ANKRD12: variants seen among roughly 807,000 people sequenced by gnomAD.
The protein encoded by ANKRD12 is ankyrin repeat domain 12, also known as ankyrin repeat domain-containing protein 12.
Under a neutral mutation model 183.4 loss-of-function variants are expected in ANKRD12, and 85 were observed. That is an observed-to-expected ratio of 0.46 (90% confidence interval 0.39 to 0.56). The LOEUF is 0.56. Among genes scored for constraint, ANKRD12 ranks in the 20% least tolerant of loss-of-function variants. The pLI is 0.00. For missense variants in ANKRD12, 2,405 were observed against 2,357.1 expected (o/e 1.02, Z -0.42); for synonymous variants, 914 against 800.2 (o/e 1.14, Z -2.40).
At chr18:9,274,540 T>C (rs963965925) in intron 10 of ANKRD12, among the ~76,000 whole-genome samples, 7 of 152,064 alleles carry the variant, frequency 4.6e-5, no homozygotes, top group African/African-American at 1.7e-4. Flanking sequence ...ACTAGGAGCA[T>C]AGAGGAAGGG....
intron 1 of ANKRD12, among the ~76,000 whole-genome samples, chr18:9,148,415 G>T (rs2078566246): frequency 6.6e-6 from 1 of 152,020 alleles, no homozygotes. Context: ...AACTCTAAAT[G>T]TATTGTTAGA....
At chr18:9,197,648 T>TAAA (rs762397442) in intron 3 of ANKRD12, among the ~76,000 whole-genome samples, 1 of 152,246 alleles carries the variant, frequency 6.6e-6, no homozygotes, top group Non-Finnish European at 1.5e-5. Flanking sequence ...CTGTACTCTT[T>TAAA]AAGCTAGAGA....
chr18:9,159,501 G>A (rs1396579902), intron 1 of ANKRD12, among the ~76,000 whole-genome samples: 4 of 150,858 alleles, frequency 2.7e-5, no homozygotes, highest in African/African-American at 9.8e-5. Context: ...GCGCAATCTC[G>A]GCTCACTGGA....
intron 8 of ANKRD12, among the ~76,000 whole-genome samples, chr18:9,232,484 G>T (rs532456029): frequency 6.6e-6 from 1 of 152,286 alleles, no homozygotes; most frequent in African/African-American, 2.4e-5. Flanking sequence ...TCTGCTGTTA[G>T]TCTGATGGTG....
rs60491412 is a variant in ANKRD12 at position 9,168,376 on chromosome 18, G to A, written c.-51-14006G>A. 5.4e-3 allele frequency among the ~76,000 whole-genome samples: 827 copies of A among 152,152 alleles called. 5 individuals carry two copies. Among genetic ancestry groups the A allele is most frequent in the African/African-American group, 0.019 (773 of 41,520 alleles). ...GACTTTTTTTCATTGGTAAGCTATT[G>A]ATTATTGCCTCAATTTCAGAGCCTG... On this transcript the variant is annotated intron_variant, in intron 1 of 12. Coordinates refer to ENST00000262126, the MANE Select transcript of ANKRD12 (RefSeq NM_015208.5).
intron 10 of ANKRD12, among the ~76,000 whole-genome samples, chr18:9,265,369 AC>A (rs1422476987): frequency 6.6e-6 from 1 of 151,850 alleles, no homozygotes; most frequent in African/African-American, 2.4e-5. Context: ...ACTGGGAGGC[AC>A]CCCCCCAGTA....
chr18:9,249,288 G>A (rs1004731510), intron 8 of ANKRD12, among the ~76,000 whole-genome samples: 2 of 152,002 alleles, frequency 1.3e-5, no homozygotes, highest in African/African-American at 4.8e-5. Flanking sequence ...ATCCTTCACC[G>A]AACATAATAT....
In ANKRD12 at chr18:9,254,240, T is replaced by G. The variant is rs780182858; in HGVS notation, c.973T>G (p.Ser325Ala). Residue 325 changes from serine (S) to alanine (A), a missense_variant, in exon 9 of 13, where the codon TCT (serine) becomes GCT (alanine). Physicochemically the swap from Ser to Ala is moderately conservative, Grantham distance 99. Coordinates refer to ENST00000262126, the MANE Select transcript of ANKRD12 (RefSeq NM_015208.5). ...CGAAGAGGCTCAATCTGTAAATCCTTCTAGTGTTGATGAAAATATTGACTC... is the reference window on the plus strand; with the variant it reads ...CGAAGAGGCTCAATCTGTAAATCCTGCTAGTGTTGATGAAAATATTGACTC... ...DSEEAQSVNP[S>A]SVDENIDSET... 1 of 1,595,030 alleles carries G rather than the reference T, an allele frequency of 6.3e-7. No individual in the cohort carries two copies. The highest frequency in any genetic ancestry group is 8.5e-7 in the Non-Finnish European group (1 of 1,173,762).
chr18:9,279,545 T>C lies in ANKRD12; in HGVS notation c.5908-4T>C. The C allele has an allele frequency of 5.1e-6, 8 of 1,562,574 alleles. No homozygotes were observed. Among genetic ancestry groups the C allele is most frequent in the Non-Finnish European group, 7.0e-6 (8 of 1,142,996 alleles). On this transcript the variant is annotated splice_polypyrimidine_tract_variant and splice_region_variant and intron_variant, in intron 11 of 12. Coordinates refer to ENST00000262126, the MANE Select transcript of ANKRD12 (RefSeq NM_015208.5). Reference sequence around the variant, plus strand: ...ATTTTATAATACTCACTTTTCTCTTTTAGTCTGATGACAGTAAAACTTCTG... The same window carrying C: ...ATTTTATAATACTCACTTTTCTCTTCTAGTCTGATGACAGTAAAACTTCTG...
chr18:9,222,076 A>G (rs997430047), intron 8 of ANKRD12, 77 bp downstream of exon 8: 1 of 1,528,282 alleles, frequency 6.5e-7, no homozygotes, highest in South Asian at 1.2e-5. Context: ...CATTTGTAAT[A>G]TACAAAATGT....
chr18:9,264,567 G>A (rs1352935097), intron 10 of ANKRD12, among the ~76,000 whole-genome samples: 1 of 152,026 alleles, frequency 6.6e-6, no homozygotes, highest in Non-Finnish European at 1.5e-5. Context: ...GTGGACTTCT[G>A]TAACAGTCTA....
At position 9,182,533 on chromosome 18, in the gene ANKRD12, C is replaced by T. The variant is rs1405284859; in HGVS notation, c.87+14C>T. ...TATGGAAGAAAGGTATATGATTATACTAAAGATTTGTTGACTTTTTGAACT... is the reference window on the plus strand; with the variant it reads ...TATGGAAGAAAGGTATATGATTATATTAAAGATTTGTTGACTTTTTGAACT... On this transcript the variant is annotated intron_variant, in intron 2 of 12. Coordinates refer to ENST00000262126, the MANE Select transcript of ANKRD12 (RefSeq NM_015208.5). The T allele has an allele frequency of 4.0e-6, 6 of 1,506,848 alleles. No individual in the cohort carries two copies. The highest frequency in any genetic ancestry group is 1.3e-5 in the South Asian group (1 of 78,420). 93.3% of individuals were successfully genotyped at this position (1,506,848 alleles called of 1,614,324 possible).
chr18:9,280,889 A>G, intron 12 of ANKRD12, 52 bp from the exon 13 acceptor site: 1 of 1,565,058 alleles, frequency 6.4e-7, no homozygotes, highest in South Asian at 1.2e-5. Flanking sequence ...TAATTTTTAA[A>G]CAAAGCAAAG....
chr18:9,244,179 T>G (rs886200210), intron 8 of ANKRD12, among the ~76,000 whole-genome samples: 2 of 152,194 alleles, frequency 1.3e-5, no homozygotes, highest in African/African-American at 4.8e-5. Context: ...AAGAAAGACT[T>G]ACTTTTAGAT....
intron 3 of ANKRD12, among the ~76,000 whole-genome samples, chr18:9,204,163 A>G (rs2035346142): frequency 6.6e-6 from 1 of 152,212 alleles, no homozygotes. Flanking sequence ...TTTTACTGTT[A>G]TTCAGAAGTT....
At chr18:9,175,472 C>CCCAA (rs1280575293) in intron 1 of ANKRD12, among the ~76,000 whole-genome samples, 4 of 147,500 alleles carry the variant, frequency 2.7e-5, no homozygotes, top group Non-Finnish European at 6.0e-5. Context: ...CAGAAATGGT[C>CCCAA]CCAAGGCTTC....
intron 3 of ANKRD12, among the ~76,000 whole-genome samples, chr18:9,197,423 C>T (rs1447227340): frequency 6.6e-6 from 1 of 152,200 alleles, no homozygotes; most frequent in Admixed American, 6.5e-5. Flanking sequence ...AATTGACCCT[C>T]GAATGGTGTG....
At chr18:9,275,108 T>C (rs1004126669) in intron 10 of ANKRD12, among the ~76,000 whole-genome samples, 1 of 152,154 alleles carries the variant, frequency 6.6e-6, no homozygotes. Flanking sequence ...GAAAGATTGC[T>C]TGAGTCCAGG....
intron 8 of ANKRD12, among the ~76,000 whole-genome samples, chr18:9,243,154 A>G (rs1288011852): frequency 2.6e-5 from 4 of 152,242 alleles, no homozygotes; most frequent in Non-Finnish European, 4.4e-5. Flanking sequence ...CATAAATAAC[A>G]GTTACATGTA....
Sources: allele counts gnomAD v4.1 joint callset (sites outside exome capture counted in the v4.1 genomes callset), GRCh38; gene constraint gnomAD v4.1.1; transcripts MANE v1.5; gene names NCBI Gene and HGNC (gene_info 2026-07-23, HGNC 2026-07-21).